Variants in GSTO2 observed in about 807,000 individuals in gnomAD.
The protein encoded by GSTO2 is glutathione S-transferase omega-2.
A neutral mutation model predicts 28.4 loss-of-function variants in GSTO2; 23 were observed. That is an observed-to-expected ratio of 0.81 (90% CI 0.58 to 1.15). The LOEUF (loss-of-function observed/expected upper bound fraction) is 1.15, where lower values mean the gene tolerates loss of function less well. GSTO2 is among the 50% of genes most tolerant of loss of function. The pLI is 0.00. For missense variants in GSTO2, 298 were observed against 297.8 expected (o/e 1.00, Z 0.00); for synonymous variants, 109 against 111.0 (o/e 0.98, Z 0.11).
In GSTO2 at chr10:104,299,241, A is replaced by G. The variant is rs1354178565; in HGVS notation, c.689A>G (p.Tyr230Cys). 1.2e-6 allele frequency: 2 copies of G among 1,613,780 alleles called. No homozygotes were observed. The highest frequency in any genetic ancestry group is 1.7e-6 in the Non-Finnish European group (2 of 1,180,002). The change falls in exon 7 of 7, where the codon TAT (tyrosine) becomes TGT (cysteine). Residue 230 changes from tyrosine (Y) to cysteine (C), a missense_variant. By Grantham distance (194) the Tyr-to-Cys change is radical. Coordinates refer to ENST00000338595, the MANE Select transcript of GSTO2 (RefSeq NM_183239.2). The part of the protein sequence containing the change: ...KSIFQGFLNL[Y>C]FQNNPNAFDF... The stretch of plus-strand genomic sequence containing the variant: ...ATTTTCCAGGGCTTCTTGAATCTCT[A>G]TTTTCAGAACAACCCTAATGCCTTT...
rs2011549380 is a variant in GSTO2, at chr10:104,274,834, G to A, written c.-82G>A. The A allele has an allele frequency of 2.0e-6, 3 of 1,533,462 alleles. No homozygotes were observed. The highest frequency in any genetic ancestry group is 2.7e-6 in the Non-Finnish European group (3 of 1,124,894). 95.0% of individuals were successfully genotyped at this position (1,533,462 alleles called of 1,614,324 possible). A position where few individuals can be genotyped will look rare whatever the true frequency, so the allele number is the denominator to read the frequency against. ...AAGGGGTGCGCGCCAGAGCGCAGCT[G>A]TTTCTGGAGCCTGCGGCAGCGGTGG... On this transcript the variant is annotated 5_prime_UTR_variant, in exon 2 of 7. Coordinates refer to ENST00000338595, the MANE Select transcript of GSTO2 (RefSeq NM_183239.2).
chr10:104,288,789 T>C (rs948771771), intron 5 of GSTO2, among the ~76,000 whole-genome samples: 4 of 152,254 alleles, frequency 2.6e-5, no homozygotes, highest in Non-Finnish European at 4.4e-5. Flanking sequence ...GTTCCTTGTA[T>C]AGAAAAGATA....
In GSTO2 at chr10:104,302,398, T is replaced by C. The variant is rs190167091; in HGVS notation, c.*3114T>C. 6 of 152,380 alleles carry C rather than the reference T, an allele frequency of 3.9e-5. No homozygotes were observed. Among genetic ancestry groups the C allele is most frequent in the Admixed American group, 3.9e-4 (6 of 15,298 alleles). The allele number at this position is 152,380 out of a possible 1,614,324, so 9.4% of individuals were successfully genotyped here. The stretch of plus-strand genomic sequence containing the variant: ...GAAATGGTCATAGATGATGTTAACA[T>C]CAGAATGGAGGTTGTGTGGAGTTCC... On this transcript the variant is annotated 3_prime_UTR_variant, in exon 7 of 7. Transcript: ENST00000338595.
At chr10:104,275,015 G>T in intron 2 of GSTO2, 66 bp downstream of exon 2, 1 of 1,551,462 alleles carries the variant, frequency 6.4e-7, no homozygotes, top group Non-Finnish European at 8.7e-7. Flanking sequence ...GGCTTCGGCG[G>T]AGCTGCCTGG....
intron 5 of GSTO2, among the ~76,000 whole-genome samples, chr10:104,282,553 C>CAAAAAAAA (rs10715615): frequency 1.9e-5 from 2 of 102,852 alleles, no homozygotes; most frequent in African/African-American, 7.3e-5. Flanking sequence ...AACCCTATCT[C>CAAAAAAAA]AAAAAAAAAA....
At chr10:104,283,004 GA>G (rs1266389078) in intron 5 of GSTO2, among the ~76,000 whole-genome samples, 1 of 152,144 alleles carries the variant, frequency 6.6e-6, no homozygotes, top group Non-Finnish European at 1.5e-5. Context: ...GAAAGAAAAA[GA>G]AAAAGCACGG....
chr10:104,282,846 A>C (rs1026072209), intron 5 of GSTO2, among the ~76,000 whole-genome samples: 4 of 152,188 alleles, frequency 2.6e-5, no homozygotes, highest in Non-Finnish European at 4.4e-5. Flanking sequence ...TGGGATATTC[A>C]TATGCGGGCA....
At chr10:104,296,351 A>G (rs2013021925) in intron 5 of GSTO2, 1 of 152,120 alleles carries the variant, frequency 6.6e-6, no homozygotes, top group Admixed American at 6.6e-5. Context: ...GGCCGGGTGC[A>G]GTGGCTCACA....
intron 3 of GSTO2, 88 bp from the exon 4 acceptor site, chr10:104,277,806 A>T: frequency 1.2e-6 from 1 of 857,674 alleles, no homozygotes; most frequent in Non-Finnish European, 1.9e-6. Flanking sequence ...TTTAACTTTT[A>T]AACTGATTGC....
chr10:104,292,358 A>G (rs1157520272), intron 5 of GSTO2, among the ~76,000 whole-genome samples: 3 of 151,810 alleles, frequency 2.0e-5, no homozygotes, highest in Non-Finnish European at 4.4e-5. Context: ...CGGTCTCACT[A>G]TGTGCTCTAG....
In GSTO2 at chr10:104,300,233, C is replaced by A. The variant is rs956858055; in HGVS notation, c.*949C>A. Reference sequence around the variant, plus strand: ...TGCTGTCAGGGCTCAGGATGTCTCACAAAATGTTCTATAGCCGGCATCCTG... The same window carrying A: ...TGCTGTCAGGGCTCAGGATGTCTCAAAAAATGTTCTATAGCCGGCATCCTG... On this transcript the variant is annotated 3_prime_UTR_variant, in exon 7 of 7. Coordinates refer to ENST00000338595, the MANE Select transcript of GSTO2 (RefSeq NM_183239.2). 3 of 152,164 alleles carry A rather than the reference C, an allele frequency of 2.0e-5. No homozygotes were observed. Among genetic ancestry groups the A allele is most frequent in the African/African-American group, 4.8e-5 (2 of 41,430 alleles). The allele number at this position is 152,164 out of a possible 1,614,324, so 9.4% of individuals were successfully genotyped here. A position where few individuals can be genotyped will look rare whatever the true frequency, so the allele number is the denominator to read the frequency against.
At position 104,274,939 on chromosome 10, in the gene GSTO2, C is replaced by T; in HGVS notation, c.24C>T (p.Thr8=). The T allele has an allele frequency of 6.2e-7, 1 of 1,603,630 alleles. No homozygotes were observed. Among genetic ancestry groups the T allele is most frequent in the South Asian group, 1.1e-5 (1 of 89,560 alleles). Residue 8 remains threonine, a synonymous_variant, in exon 2 of 7, where the codon ACC becomes ACT. Coordinates refer to ENST00000338595, the MANE Select transcript of GSTO2 (RefSeq NM_183239.2). ...CCATGTCTGGGGATGCGACCAGGACCCTGGGGAAAGGTGAGTGCTCTCCAT... is the reference window on the plus strand; with the variant it reads ...CCATGTCTGGGGATGCGACCAGGACTCTGGGGAAAGGTGAGTGCTCTCCAT... MSGDATR[T]LGKGSQPPGP... is the part of the protein sequence containing the mutation.
intron 5 of GSTO2, chr10:104,291,247 T>G (rs957389082): frequency 6.6e-6 from 1 of 152,178 alleles, no homozygotes; most frequent in African/African-American, 2.4e-5. Context: ...ACTTTCTTCC[T>G]CCTCCAGCAA....
chr10:104,280,493 C>A lies in GSTO2; in HGVS notation c.468+1022C>A, dbSNP rs560302047. On this transcript the variant is annotated intron_variant, in intron 5 of 6. Transcript: ENST00000338595. ...GTTGGCCAGAACTTAGTTGTGGGGTCATAACTATCTTAGAGAAAGCTGGGA... is the reference window on the plus strand; with the variant it reads ...GTTGGCCAGAACTTAGTTGTGGGGTAATAACTATCTTAGAGAAAGCTGGGA... Among the ~76,000 whole-genome samples, 13 of 152,274 alleles carry A rather than the reference C, an allele frequency of 8.5e-5. No individual in the cohort carries two copies. In the South Asian group the frequency reaches 2.7e-3, roughly 32 times the overall value.
chr10:104,295,713 C>A (rs2012989820), intron 5 of GSTO2: 2 of 152,258 alleles, frequency 1.3e-5, no homozygotes, highest in Admixed American at 1.3e-4. Flanking sequence ...AGGACCAAGT[C>A]TGCTGGTTCC....
chr10:104,297,427 A>C (rs1264696193), intron 5 of GSTO2, 151 bp from the exon 6 acceptor site: 1 of 540,462 alleles, frequency 1.9e-6, no homozygotes, highest in African/African-American at 1.9e-5. Flanking sequence ...GACCTCAGAG[A>C]AAGAGAAGAA....
At position 104,279,328 on chromosome 10, in the gene GSTO2, T is replaced by C. The variant is rs759868560; in HGVS notation, c.367-42T>C. On this transcript the variant is annotated intron_variant, in intron 4 of 6. Coordinates refer to ENST00000338595, the MANE Select transcript of GSTO2 (RefSeq NM_183239.2). ...TTCAGGCAGAACAGGAACTGGAAGT[T>C]TCCACAGACTTCTCCACTGAGAACC... The C allele has an allele frequency of 2.5e-5, 38 of 1,534,760 alleles. No homozygotes were observed. The African/African-American group carries it at 5.2e-4, about 21-fold the overall frequency.
rs549164542 is a variant in GSTO2 at position 104,299,658 on chromosome 10, T to A, written c.*374T>A. 1 of 237,604 alleles carries A rather than the reference T, an allele frequency of 4.2e-6. No individual in the cohort carries two copies. The highest frequency in any genetic ancestry group is 8.2e-6 in the Non-Finnish European group (1 of 121,516). The allele number at this position is 237,604 out of a possible 1,614,324, so 14.7% of individuals were successfully genotyped here. ...GCCCAGCTAATTTTTAAAAAAATGTTGTTGAGACAGGGTCTCACTATGTTG... is the reference window on the plus strand; with the variant it reads ...GCCCAGCTAATTTTTAAAAAAATGTAGTTGAGACAGGGTCTCACTATGTTG... On this transcript the variant is annotated 3_prime_UTR_variant, in exon 7 of 7. Transcript: ENST00000338595.
At chr10:104,287,919 G>A (rs577587521) in intron 5 of GSTO2, among the ~76,000 whole-genome samples, 12 of 133,572 alleles carry the variant, frequency 9.0e-5, no homozygotes, top group Admixed American at 3.3e-4. Context: ...ACGGAGTCTC[G>A]CTCTGTCGCC....
Sources: gnomAD v4.1 joint callset for allele counts (sites outside exome capture counted in the v4.1 genomes callset) on GRCh38, gnomAD v4.1.1 for gene constraint, MANE v1.5 for transcripts, NCBI Gene and HGNC (gene_info 2026-07-23, HGNC 2026-07-21) for gene names.